The following ACP6 variants were observed in gnomAD, a reference collection of about 807,000 sequenced individuals.
ACP6 encodes the protein lysophosphatidic acid phosphatase type 6.
In ACP6, 48 loss-of-function variants were observed where a neutral mutation model predicts 48.1. The observed-to-expected ratio is 1.00, with a 90% CI of 0.79 to 1.27. The LOEUF (loss-of-function observed/expected upper bound fraction) is 1.27. Ranked by LOEUF, ACP6 falls within the 50% of genes most tolerant of loss-of-function variation. ACP6 has a pLI of 0.00. For missense variants in ACP6, 485 were observed against 529.1 expected, an observed-to-expected ratio of 0.92 and a Z score of 0.82; for synonymous variants, 172 against 204.2, an observed-to-expected ratio of 0.84 and a Z score of 1.34.
chr1:147,660,813 T>A (rs1660508272), intron 1 of ACP6, among the ~76,000 whole-genome samples: 1 of 152,268 alleles, frequency 6.6e-6, no homozygotes, highest in Admixed American at 6.5e-5. Flanking sequence ...TACAATGTGA[T>A]GTTTTCATAT....
intron 1 of ACP6, among the ~76,000 whole-genome samples, chr1:147,660,820 A>G (rs587742647): frequency 2.6e-5 from 4 of 152,328 alleles, no homozygotes; most frequent in South Asian, 2.1e-4. Context: ...TGATGTTTTC[A>G]TATATATTTA....
Position 147,648,423 on chromosome 1 carries a change from A to C in ACP6, c.978-12T>G. 1 of 1,613,892 alleles carries C rather than the reference A, an allele frequency of 6.2e-7. No individual in the cohort carries two copies. Among genetic ancestry groups the C allele is most frequent in the South Asian group, 1.1e-5 (1 of 91,060 alleles). ...AGAGATACAGCTTTCTGCAAGAGGA[A>C]ACAGCTCTCCACAATTCTCTGCCTC... On this transcript the variant is annotated splice_polypyrimidine_tract_variant and intron_variant, in intron 8 of 9. Transcript: ENST00000583509.
intron 5 of ACP6, among the ~76,000 whole-genome samples, chr1:147,632,917 G>A (rs1659208120): frequency 6.6e-6 from 1 of 152,100 alleles, no homozygotes; most frequent in Non-Finnish European, 1.5e-5. Context: ...GACTTCATTG[G>A]ATAATGGGGA....
At chr1:147,639,706 T>C (rs782813631), downstream of ACP6, among the ~76,000 whole-genome samples, 4 of 152,200 alleles carry the variant, frequency 2.6e-5, no homozygotes, top group Non-Finnish European at 5.9e-5. Flanking sequence ...TTTCACACTC[T>C]ATTTCCTTCC....
chr1:147,660,665 C>T (rs1236767516), intron 1 of ACP6, among the ~76,000 whole-genome samples: 6 of 152,208 alleles, frequency 3.9e-5, no homozygotes, highest in Admixed American at 3.3e-4. Context: ...CTGTGACAAA[C>T]TCCTCCCTTT....
chr1:147,652,814 A>T (rs183611214), intron 6 of ACP6, among the ~76,000 whole-genome samples: 133 of 109,654 alleles, frequency 1.2e-3, no homozygotes, highest in Admixed American at 4.2e-3. Flanking sequence ...TCAAAAATGA[A>T]AAGCATTTTT....
Position 147,670,112 on chromosome 1 carries a change from G to A in ACP6, c.-64C>T, listed in dbSNP as rs1350097522. The A allele has an allele frequency of 7.1e-7, 1 of 1,406,248 alleles. No individual in the cohort carries two copies. The highest frequency in any genetic ancestry group is 9.3e-7 in the Non-Finnish European group (1 of 1,070,970). The allele number at this position is 1,406,248 out of a possible 1,614,324, so 87.1% of individuals were successfully genotyped here. A position where few individuals can be genotyped will look rare whatever the true frequency, so the allele number is the denominator to read the frequency against. On this transcript the variant is annotated 5_prime_UTR_variant, in exon 1 of 10. Transcript: ENST00000583509. ...GGAGGCAAACACAAGTCTTCTGCGG[G>A]CGCCGGGGCTCAGCGGGCGCCCCCA...
chr1:147,659,697 G>A lies in ACP6; in HGVS notation c.298C>T (p.Pro100Ser). 2 of 1,614,154 alleles carry A rather than the reference G, an allele frequency of 1.2e-6. No individual in the cohort carries two copies. The highest frequency in any genetic ancestry group is 1.7e-6 in the Non-Finnish European group (2 of 1,180,016). The change falls in exon 2 of 10, where the codon CCG becomes TCG. Residue 100 changes from proline to serine, a missense_variant. By Grantham distance (74) the Pro-to-Ser change is moderately conservative. Coordinates refer to ENST00000583509, the MANE Select transcript of ACP6 (RefSeq NM_016361.5). ...DYTVTNLAGG[P>S]KPYSPYDSQY... ...GAGTCGTAAGGAGAATATGGTTTCG[G>A]ACCACCAGCTAGATTGGTGACTGTG...
chr1:147,668,025 G>T (rs1660891719), intron 1 of ACP6, among the ~76,000 whole-genome samples: 1 of 151,806 alleles, frequency 6.6e-6, no homozygotes, highest in African/African-American at 2.4e-5. Context: ...CTATCAAATT[G>T]GATCTTGAAA....
At chr1:147,669,194 C>G (rs1660950038) in intron 1 of ACP6, among the ~76,000 whole-genome samples, 1 of 151,956 alleles carries the variant, frequency 6.6e-6, no homozygotes, top group Admixed American at 6.6e-5. Flanking sequence ...TAAATTTGTT[C>G]CGACCTCAGA....
chr1:147,630,394 T>A lies in ACP6; in HGVS notation c.*659A>T, dbSNP rs1659134940. ...TATCCAGTGTCCAATTAATTAGTGT[T>A]GAGGGTGAATTTAGTTTTCAATAAT... On this transcript the variant is annotated 3_prime_UTR_variant, in exon 6 of 6. Coordinates refer to the ACP6 transcript ENST00000609196. 3.3e-5 allele frequency: 5 copies of A among 152,342 alleles called. No individual in the cohort carries two copies. The South Asian group carries it at 1.0e-3, about 32-fold the overall frequency. The allele number at this position is 152,342 out of a possible 1,614,324, so 9.4% of individuals were successfully genotyped here. A position where few individuals can be genotyped will look rare whatever the true frequency, so the allele number is the denominator to read the frequency against.
At position 147,665,846 on chromosome 1, in the gene ACP6, A is replaced by G. The variant is rs189344937; in HGVS notation, c.219+3984T>C. Among the ~76,000 whole-genome samples, 3 of 152,332 alleles carry G rather than the reference A, an allele frequency of 2.0e-5. No individual in the cohort carries two copies. The East Asian group carries it at 5.8e-4, about 29-fold the overall frequency. ...GGATGATACATCAGTTTCATATAAT[A>G]GTGTCCACCCCACATACACACTCTC... is the stretch of plus-strand genomic sequence containing the variant. On this transcript the variant is annotated intron_variant, in intron 1 of 9. Coordinates refer to ENST00000583509, the MANE Select transcript of ACP6 (RefSeq NM_016361.5).
chr1:147,640,080 A>C (rs1446865194), downstream of ACP6, among the ~76,000 whole-genome samples: 3 of 152,170 alleles, frequency 2.0e-5, no homozygotes, highest in African/African-American at 7.2e-5. Context: ...ATGCAGGTTC[A>C]AAACTTGTAT....
chr1:147,636,390 G>A (rs369345690), intron 5 of ACP6, among the ~76,000 whole-genome samples: 37 of 152,256 alleles, frequency 2.4e-4, no homozygotes, highest in African/African-American at 7.9e-4. Context: ...CACAAGAAGC[G>A]GGACAGGAAC....
intron 8 of ACP6, among the ~76,000 whole-genome samples, chr1:147,648,858 T>G (rs1208727895): frequency 6.6e-6 from 1 of 152,208 alleles, no homozygotes; most frequent in African/African-American, 2.4e-5. Flanking sequence ...ACAAGCCCAT[T>G]TGGCCCTCAG....
At chr1:147,640,993 A>G (rs935406920), downstream of ACP6, among the ~76,000 whole-genome samples, 1 of 152,060 alleles carries the variant, frequency 6.6e-6, no homozygotes, top group Admixed American at 6.5e-5. Context: ...CCAGCAGAAG[A>G]GACTCATCGC....
At chr1:147,629,974 G>C (rs1659118874) in exon 6 of ACP6, 1 of 152,160 alleles carries the variant, frequency 6.6e-6, no homozygotes, top group African/African-American at 2.4e-5. Flanking sequence ...TATGACCATA[G>C]AAAGAGAAAA....
chr1:147,661,754 A>G (rs1660557637), intron 1 of ACP6, among the ~76,000 whole-genome samples: 1 of 152,234 alleles, frequency 6.6e-6, no homozygotes. Context: ...GAGGAAATTA[A>G]AAGTACTACT....
At chr1:147,666,557 T>C (rs782050409) in intron 1 of ACP6, among the ~76,000 whole-genome samples, 4 of 152,230 alleles carry the variant, frequency 2.6e-5, no homozygotes, top group Non-Finnish European at 4.4e-5. Context: ...AAGTTACTGA[T>C]GCCTGAGTCC....
Sources: allele counts gnomAD v4.1 joint callset (sites outside exome capture counted in the v4.1 genomes callset), GRCh38; gene constraint gnomAD v4.1.1; transcripts MANE v1.5; gene names NCBI Gene and HGNC (gene_info 2026-07-23, HGNC 2026-07-21).